Variants in KIF26B observed in about 807,000 individuals in gnomAD.
KIF26B encodes kinesin family member 26B, also known as kinesin-like protein KIF26B.
Under a neutral mutation model 151.2 loss-of-function variants are expected in KIF26B, and 63 were observed. That is an observed-to-expected ratio of 0.42 (90% CI 0.34 to 0.51). KIF26B has a LOEUF of 0.51. KIF26B is among the 20% of genes least tolerant of loss of function. The pLI, the probability that KIF26B is intolerant of heterozygous loss-of-function variation, is 0.07. For missense variants in KIF26B, 2,813 were observed against 2,913.6 expected (o/e 0.97, Z 0.79); for synonymous variants, 1,357 against 1,262.1 (o/e 1.08, Z -1.59).
At chr1:245,471,643 A>G (rs377700486) in intron 4 of KIF26B, among the ~76,000 whole-genome samples, 1 of 152,208 alleles carries the variant, frequency 6.6e-6, no homozygotes, top group Non-Finnish European at 1.5e-5. Flanking sequence ...ACAGATCTCT[A>G]TATCTCTTAG....
Position 245,167,011 on chromosome 1 carries a change from A to G in KIF26B, c.465+10328A>G, listed in dbSNP as rs764946949. The stretch of plus-strand genomic sequence containing the variant: ...GAACGATAAATATGTCTTAAGTGTT[A>G]TAGACCAGGTTACAGCTGAGGGACT... On this transcript the variant is annotated intron_variant, in intron 2 of 14. Transcript: ENST00000407071. This position sits in a 1 kb window ranked among gnomAD's most constrained non-coding sequence, Gnocchi z 4.2. Among the ~76,000 whole-genome samples, 4 of 152,226 alleles carry G rather than the reference A, an allele frequency of 2.6e-5. No individual in the cohort carries two copies. Among genetic ancestry groups the G allele is most frequent in the African/African-American group, 4.8e-5 (2 of 41,466 alleles).
chr1:245,292,145 G>A (rs182948175), intron 2 of KIF26B, among the ~76,000 whole-genome samples: 1 of 152,312 alleles, frequency 6.6e-6, no homozygotes, highest in Admixed American at 6.5e-5. Flanking sequence ...CTACCCAGCG[G>A]GGTGTGAGGA....
chr1:245,302,988 C>CAAAAAAAAAAAAA lies in KIF26B; in HGVS notation c.466-63833_466-63821dup, dbSNP rs74163037. On this transcript the variant is annotated intron_variant, in intron 2 of 14. Transcript: ENST00000407071. The stretch of plus-strand genomic sequence containing the variant: ...TGGGCAATAGAGCAAGACTCTGTCT[C>CAAAAAAAAAAAAA]AAAAAAAAAAAAAAAAAAAAAAAAA... Among the ~76,000 whole-genome samples the CAAAAAAAAAAAAA allele has an allele frequency of 1.0e-3, 37 of 35,804 alleles. 1 individual carries two copies. Among genetic ancestry groups the CAAAAAAAAAAAAA allele is most frequent in the African/African-American group, 2.1e-3 (18 of 8,690 alleles). 23.5% of individuals were successfully genotyped at this position (35,804 alleles called of 152,430 possible). A position where few individuals can be genotyped will look rare whatever the true frequency, so the allele number is the denominator to read the frequency against.
intron 5 of KIF26B, among the ~76,000 whole-genome samples, chr1:245,555,926 A>G (rs1365962206): frequency 6.6e-6 from 1 of 152,214 alleles, no homozygotes; most frequent in Admixed American, 6.5e-5. Flanking sequence ...CGTATTCAAC[A>G]GAGCTTAGAG....
At chr1:245,480,090 C>T (rs549618492) in intron 4 of KIF26B, among the ~76,000 whole-genome samples, 1 of 148,036 alleles carries the variant, frequency 6.8e-6, no homozygotes, top group East Asian at 2.0e-4. Flanking sequence ...ATGGCGTGAC[C>T]CTGTCTCTCC....
At chr1:245,284,640 T>C (rs4658741) in intron 2 of KIF26B, among the ~76,000 whole-genome samples, 97,700 of 152,136 alleles carry the variant, frequency 0.64, 32,012 homozygotes, top group African/African-American at 0.77. Flanking sequence ...TAGATTCCTA[T>C]ACTTCTAAAA....
At position 245,686,341 on chromosome 1, in the gene KIF26B, C is replaced by T; in HGVS notation, c.3358C>T (p.Leu1120=). The T allele has an allele frequency of 1.9e-6, 3 of 1,613,322 alleles. No individual in the cohort carries two copies. The highest frequency in any genetic ancestry group is 2.5e-6 in the Non-Finnish European group (3 of 1,179,872). Residue 1120 remains leucine (L), a synonymous_variant, in exon 12 of 15, where the codon CTG becomes TTG. Transcript: ENST00000407071. The surrounding 1 kb of genome is among the most constrained non-coding windows in gnomAD (Gnocchi z 5.6). ...DSGVASRESL[L]QPEVRTPPVG... ...CGGCGTGGCGTCTAGGGAGTCCTTG[C>T]TGCAGCCCGAGGTGCGTACGCCCCC...
At position 245,667,379 on chromosome 1, in the gene KIF26B, A is replaced by G. The variant is rs530091532; in HGVS notation, c.2259-16854A>G. 9.2e-5 allele frequency among the ~76,000 whole-genome samples: 14 copies of G among 152,034 alleles called. No homozygotes were observed. The highest frequency in any genetic ancestry group is 1.9e-4 in the Non-Finnish European group (13 of 68,014). Reference sequence around the variant, plus strand: ...TTTTTAATAGAGATGGGGTTTCGCCATGTGTCCCAGGCTGGTCTCAAACTC... The same window carrying G: ...TTTTTAATAGAGATGGGGTTTCGCCGTGTGTCCCAGGCTGGTCTCAAACTC... On this transcript the variant is annotated intron_variant, in intron 10 of 14. Coordinates refer to ENST00000407071, the MANE Select transcript of KIF26B (RefSeq NM_018012.4). The surrounding 1 kb of genome is among the most constrained non-coding windows in gnomAD (Gnocchi z 4.3).
chr1:245,482,307 C>G (rs980515870), intron 4 of KIF26B, among the ~76,000 whole-genome samples: 1 of 151,596 alleles, frequency 6.6e-6, no homozygotes, highest in East Asian at 1.9e-4. Context: ...CCAAGGTGGT[C>G]TCGAACTCCT....
At chr1:245,508,342 A>G (rs4120875) in intron 4 of KIF26B, among the ~76,000 whole-genome samples, 56,711 of 151,960 alleles carry the variant, frequency 0.37, 11,443 homozygotes, top group Non-Finnish European at 0.45. Flanking sequence ...CTGGGTTCAC[A>G]CCATTCTCCT....
intron 9 of KIF26B, among the ~76,000 whole-genome samples, chr1:245,627,379 T>C (rs2043734663): frequency 6.6e-6 from 1 of 152,102 alleles, no homozygotes; most frequent in Non-Finnish European, 1.5e-5. Flanking sequence ...ACATGGAAAT[T>C]GAACAACCTG....
At position 245,688,095 on chromosome 1, in the gene KIF26B, C is replaced by T. The variant is rs560385267; in HGVS notation, c.5112C>T (p.Pro1704=). The change falls in exon 12 of 15, where the codon CCC becomes CCT. Residue 1704 remains proline (P), a synonymous_variant. Coordinates refer to ENST00000407071, the MANE Select transcript of KIF26B (RefSeq NM_018012.4). Reference sequence around the variant, plus strand: ...ACGCGGGCAAGGACGGCACCATGCCCCGCGCGGGGAGGAGCCTGGGCCGCA... The same window carrying T: ...ACGCGGGCAAGGACGGCACCATGCCTCGCGCGGGGAGGAGCCTGGGCCGCA... ...RLHAGKDGTM[P]RAGRSLGRSA... 2 of 1,554,396 alleles carry T rather than the reference C, an allele frequency of 1.3e-6. No individual in the cohort carries two copies. The highest frequency in any genetic ancestry group is 1.7e-6 in the Non-Finnish European group (2 of 1,151,680).
chr1:245,485,771 T>C (rs1221562596), intron 4 of KIF26B, among the ~76,000 whole-genome samples: 2 of 152,208 alleles, frequency 1.3e-5, no homozygotes, highest in Non-Finnish European at 2.9e-5. Flanking sequence ...GTGTAGCCGT[T>C]TTCTGTGATC....
chr1:245,695,698 G>T (rs910354333), intron 12 of KIF26B, among the ~76,000 whole-genome samples: 1 of 152,110 alleles, frequency 6.6e-6, no homozygotes, highest in Non-Finnish European at 1.5e-5. Context: ...TACCCGCCAG[G>T]ATATTTCTGT....
At chr1:245,350,818 C>A (rs926529453) in intron 2 of KIF26B, among the ~76,000 whole-genome samples, 1 of 152,168 alleles carries the variant, frequency 6.6e-6, no homozygotes, top group African/African-American at 2.4e-5. Flanking sequence ...ATTCCAAGAT[C>A]GCAGTGTATA....
rs1243602471 is a variant in KIF26B at position 245,709,244 on chromosome 1, TTA to T, written c.*6641_*6642del. The T allele has an allele frequency of 1.3e-5, 2 of 152,102 alleles. No homozygotes were observed. The highest frequency in any genetic ancestry group is 4.8e-5 in the African/African-American group (2 of 41,406). 9.4% of individuals were successfully genotyped at this position (152,102 alleles called of 1,614,324 possible). A position where few individuals can be genotyped will look rare whatever the true frequency, so the allele number is the denominator to read the frequency against. On this transcript the variant is annotated 3_prime_UTR_variant, in exon 15 of 15. Coordinates refer to ENST00000407071, the MANE Select transcript of KIF26B (RefSeq NM_018012.4). ...TGGAGAACAGTCCAGAAAAAAAGAG[TTA>T]TAGTTCTCACAAACTGGTGACATGA...
chr1:245,316,710 C>G (rs1246317324), intron 2 of KIF26B, among the ~76,000 whole-genome samples: 1 of 152,180 alleles, frequency 6.6e-6, no homozygotes, highest in Non-Finnish European at 1.5e-5. Flanking sequence ...CCAGTAGTGT[C>G]CTTGACTGGC....
chr1:245,422,283 C>A (rs1474338638), intron 4 of KIF26B, among the ~76,000 whole-genome samples: 2 of 150,802 alleles, frequency 1.3e-5, no homozygotes, highest in African/African-American at 4.8e-5. Context: ...CTATAGATTT[C>A]CCCCCCACCC....
chr1:245,323,076 C>T (rs931904069), intron 2 of KIF26B, among the ~76,000 whole-genome samples: 10 of 152,284 alleles, frequency 6.6e-5, no homozygotes, highest in African/African-American at 1.7e-4. Context: ...ACTTCAAGTA[C>T]GCTTCTAGAC....
Sources: gnomAD v4.1 joint callset for allele counts (sites outside exome capture counted in the v4.1 genomes callset) on GRCh38, gnomAD v4.1.1 for gene constraint, Gnocchi (gnomAD v3.1) non-coding constraint, MANE v1.5 for transcripts, NCBI Gene and HGNC (gene_info 2026-07-23, HGNC 2026-07-21) for gene names.